Variants in DLG2 observed in about 807,000 individuals in gnomAD.
The protein encoded by DLG2 is disks large homolog 2.
In DLG2, 45 loss-of-function variants were observed where a neutral mutation model predicts 132.5. That is an observed-to-expected ratio of 0.34 (90% CI 0.27 to 0.44). DLG2 has a LOEUF of 0.44. DLG2 is among the 20% of genes least tolerant of loss of function. The probability of loss-of-function intolerance (pLI) is 1.00; values close to 1 mark genes in which losing one functional copy is unlikely to be tolerated. For missense variants in DLG2, 1,045 were observed against 1,196.9 expected (o/e 0.87, Z 1.87); for synonymous variants, 424 against 419.6 (o/e 1.01, Z -0.13).
chr11:85,058,303 A>G (rs1224975266), intron 6 of DLG2, among the ~76,000 whole-genome samples: 1 of 151,598 alleles, frequency 6.6e-6, no homozygotes, highest in Non-Finnish European at 1.5e-5. Context: ...TTTTATCAAC[A>G]TATAGCACCT....
chr11:85,016,950 G>A (rs1337513315), intron 6 of DLG2, among the ~76,000 whole-genome samples: 1 of 152,170 alleles, frequency 6.6e-6, no homozygotes, highest in East Asian at 1.9e-4. Flanking sequence ...TGGCAAACCT[G>A]TTGGTCAAAT....
chr11:83,649,674 A>G (rs754494145), intron 18 of DLG2, among the ~76,000 whole-genome samples: 7 of 152,006 alleles, frequency 4.6e-5, no homozygotes, highest in Non-Finnish European at 1.0e-4. Flanking sequence ...ATTACATGCA[A>G]TTTGCATGTA....
At chr11:84,977,416 C>T (rs1282881386) in intron 6 of DLG2, among the ~76,000 whole-genome samples, 1 of 152,148 alleles carries the variant, frequency 6.6e-6, no homozygotes, top group Non-Finnish European at 1.5e-5. Flanking sequence ...TCAACTAGTG[C>T]AGGAATCCAA....
At chr11:84,019,549 G>T (rs1395042605) in intron 11 of DLG2, among the ~76,000 whole-genome samples, 1 of 152,138 alleles carries the variant, frequency 6.6e-6, no homozygotes, top group African/African-American at 2.4e-5. Context: ...CCAAAAGATG[G>T]TGAAGTTCTA....
intron 6 of DLG2, among the ~76,000 whole-genome samples, chr11:84,601,594 G>T (rs73511131): frequency 1.3e-5 from 2 of 151,602 alleles, no homozygotes; most frequent in Admixed American, 1.3e-4. Flanking sequence ...TTGGTATCTC[G>T]GTAGAATTGA....
chr11:83,957,252 C>T (rs1439161255), intron 14 of DLG2, among the ~76,000 whole-genome samples: 1 of 152,090 alleles, frequency 6.6e-6, no homozygotes, highest in Non-Finnish European at 1.5e-5. Context: ...CAAAGTTAAA[C>T]AATAAGAGAT....
intron 4 of DLG2, among the ~76,000 whole-genome samples, chr11:85,244,687 TC>T (rs1165342216): frequency 1.3e-5 from 2 of 151,996 alleles, no homozygotes; most frequent in Non-Finnish European, 2.9e-5. Flanking sequence ...AATAGATAGT[TC>T]CAGTTAAATT....
chr11:85,571,250 T>C (rs2077827139), intron 3 of DLG2, among the ~76,000 whole-genome samples: 1 of 152,196 alleles, frequency 6.6e-6, no homozygotes, highest in South Asian at 2.1e-4. Context: ...TTTCTCACCC[T>C]TCCCTAGGAT....
intron 4 of DLG2, among the ~76,000 whole-genome samples, chr11:85,178,970 C>A (rs1264750321): frequency 6.6e-6 from 1 of 151,724 alleles, no homozygotes; most frequent in Non-Finnish European, 1.5e-5. Flanking sequence ...TGAGAATTTT[C>A]CAGGATTTCA....
intron 4 of DLG2, among the ~76,000 whole-genome samples, chr11:85,213,825 G>T (rs1003678493): frequency 2.0e-5 from 3 of 152,066 alleles, no homozygotes; most frequent in African/African-American, 7.2e-5. Flanking sequence ...GGGGGACTTA[G>T]AATTGTATTG....
intron 6 of DLG2, among the ~76,000 whole-genome samples, chr11:84,891,775 C>T (rs1281900230): frequency 6.6e-6 from 1 of 152,084 alleles, no homozygotes; most frequent in Non-Finnish European, 1.5e-5. Context: ...ACTCAAAAGC[C>T]ATGTCTAAGC....
chr11:83,766,051 G>A (rs1401321813), intron 18 of DLG2, among the ~76,000 whole-genome samples: 2 of 151,002 alleles, frequency 1.3e-5, no homozygotes, highest in Non-Finnish European at 2.9e-5. Flanking sequence ...CTTCTTAGAA[G>A]CAATATGAAT....
chr11:85,159,081 T>G (rs2077828355), intron 4 of DLG2, among the ~76,000 whole-genome samples: 1 of 152,156 alleles, frequency 6.6e-6, no homozygotes, highest in Non-Finnish European at 1.5e-5. Flanking sequence ...CTCCAGTCTT[T>G]TACCAGGGTA....
chr11:83,626,803 C>A (rs530062680), intron 19 of DLG2, among the ~76,000 whole-genome samples: 2 of 152,248 alleles, frequency 1.3e-5, no homozygotes, highest in African/African-American at 4.8e-5. Context: ...CTACTGAATT[C>A]CTTTCAGGTT....
Position 83,479,778 on chromosome 11 carries a change from T to TTAAG in DLG2, c.2293+4347_2293+4350dup, listed in dbSNP as rs536191507. Among the ~76,000 whole-genome samples the TTAAG allele has an allele frequency of 9.3e-4, 142 of 152,176 alleles. 2 individuals carry two copies. The highest frequency in any genetic ancestry group is 8.9e-3 in the South Asian group (43 of 4,826). ...GAAGACTTGGTCACATTTAAAAAAA[T>TTAAG]TAAGTTCCTTCAACATTAGAGGATG... On this transcript the variant is annotated intron_variant, in intron 22 of 27. Coordinates refer to ENST00000376104, the MANE Select transcript of DLG2 (RefSeq NM_001142699.3).
chr11:83,775,462 A>G (rs1387454917), intron 18 of DLG2, among the ~76,000 whole-genome samples: 1 of 152,198 alleles, frequency 6.6e-6, no homozygotes, highest in Non-Finnish European at 1.5e-5. Flanking sequence ...CATCTGTAAA[A>G]TGAGTAAGGG....
At chr11:83,527,454 G>T (rs2140878786) in intron 21 of DLG2, among the ~76,000 whole-genome samples, 1 of 152,174 alleles carries the variant, frequency 6.6e-6, no homozygotes, top group African/African-American at 2.4e-5. Context: ...GGGCATTGTG[G>T]GATTCCAGCA....
intron 6 of DLG2, among the ~76,000 whole-genome samples, chr11:84,978,151 T>G (rs1335609572): frequency 2.6e-5 from 4 of 152,132 alleles, no homozygotes; most frequent in Admixed American, 6.5e-5. Context: ...CTAAAGGACT[T>G]CCAGAGAAAT....
At chr11:84,386,894 C>T (rs10501560) in intron 7 of DLG2, among the ~76,000 whole-genome samples, 2,653 of 152,182 alleles carry the variant, frequency 0.017, 78 homozygotes, top group South Asian at 0.12. Context: ...GTTTTTCCTA[C>T]GCTATTTGCC....
Sources: gnomAD v4.1 joint callset for allele counts (sites outside exome capture counted in the v4.1 genomes callset) on GRCh38, gnomAD v4.1.1 for gene constraint, MANE v1.5 for transcripts, NCBI Gene and HGNC (gene_info 2026-07-23, HGNC 2026-07-21) for gene names.